CKMT2: variants seen among roughly 807,000 people sequenced by gnomAD.
CKMT2 encodes the protein creatine kinase S-type, mitochondrial.
In CKMT2, 43 loss-of-function variants were observed where a neutral mutation model predicts 48.9. The observed-to-expected ratio is 0.88, with a 90% CI of 0.69 to 1.13. The LOEUF (loss-of-function observed/expected upper bound fraction) is 1.13. Among genes scored for constraint, CKMT2 ranks in the 50% most tolerant of loss-of-function variants. The probability of loss-of-function intolerance (pLI) is 0.00; values close to 1 mark genes in which losing one functional copy is unlikely to be tolerated. For synonymous variants in CKMT2, 206 were observed against 213.0 expected, an observed-to-expected ratio of 0.97 and a Z score of 0.29; for missense variants, 472 against 555.4, an observed-to-expected ratio of 0.85 and a Z score of 1.51.
intron 1 of CKMT2, among the ~76,000 whole-genome samples, chr5:81,235,466 C>T (rs1424769660): frequency 7.9e-5 from 12 of 152,142 alleles, no homozygotes; most frequent in African/African-American, 2.9e-4. Context: ...TGGTCCTCCT[C>T]CTGCCCTTCC....
In CKMT2 at chr5:81,252,823, G is replaced by C; in HGVS notation, c.281G>C (p.Gly94Ala). The C allele has an allele frequency of 1.9e-6, 3 of 1,614,254 alleles. No individual in the cohort carries two copies. Among genetic ancestry groups the C allele is most frequent in the Non-Finnish European group, 2.5e-6 (3 of 1,180,052 alleles). Residue 94 changes from glycine (G) to alanine (A), a missense_variant, in exon 3 of 10, where the codon GGA (glycine) becomes GCA (alanine). By Grantham distance (60) the Gly-to-Ala change is moderately conservative (BLOSUM62 0). Transcript: ENST00000254035. ...ACGCTGGACCAGTGCATCCAGACTG[G>C]AGTGGACAACCCTGGCCACCCCTTC... ...GYTLDQCIQT[G>A]VDNPGHPFIK...
chr5:81,265,118 C>T (rs1472708851), intron 9 of CKMT2, among the ~76,000 whole-genome samples: 1 of 152,110 alleles, frequency 6.6e-6, no homozygotes, highest in Non-Finnish European at 1.5e-5. Context: ...AAAGGAATTC[C>T]TGGGTTAAAA....
intron 6 of CKMT2, 64 bp from the exon 7 acceptor site, chr5:81,257,669 G>C: frequency 1.3e-5 from 20 of 1,482,180 alleles, no homozygotes; most frequent in Non-Finnish European, 1.8e-5. Flanking sequence ...GGGAGGTAAT[G>C]GGAATTTTCA....
chr5:81,244,270 T>G, intron 1 of CKMT2: 2 of 771,238 alleles, frequency 2.6e-6, no homozygotes, highest in African/African-American at 1.9e-5. Flanking sequence ...GCCTGCCTCA[T>G]CATTAACATC....
chr5:81,261,039 C>T (rs1431102035), intron 8 of CKMT2, among the ~76,000 whole-genome samples: 1 of 152,230 alleles, frequency 6.6e-6, no homozygotes, highest in African/African-American at 2.4e-5. Flanking sequence ...AGCTTCATCT[C>T]TGAGATGCAA....
chr5:81,251,302 T>C lies in CKMT2; in HGVS notation c.152+18T>C, dbSNP rs545932325. ...CCTCCAAGGTAAGGGCTCCTGACTTTAAAATAACCTCAGGCCAGGCACGGT... is the reference window on the plus strand; with the variant it reads ...CCTCCAAGGTAAGGGCTCCTGACTTCAAAATAACCTCAGGCCAGGCACGGT... On this transcript the variant is annotated intron_variant, in intron 2 of 9. Transcript: ENST00000254035. 5.6e-6 allele frequency: 9 copies of C among 1,612,654 alleles called. No homozygotes were observed. The African/African-American group carries it at 1.2e-4, about 22-fold the overall frequency.
intron 8 of CKMT2, among the ~76,000 whole-genome samples, 186 bp from the exon 9 acceptor site, chr5:81,263,305 C>T (rs113928155): frequency 1.3e-5 from 2 of 150,382 alleles, no homozygotes; most frequent in African/African-American, 4.9e-5. Flanking sequence ...CACATGTATC[C>T]CAGAACGCTT....
intron 5 of CKMT2, among the ~76,000 whole-genome samples, chr5:81,256,171 T>C (rs1354496084): frequency 1.3e-5 from 2 of 151,366 alleles, no homozygotes; most frequent in Admixed American, 1.3e-4. Flanking sequence ...GTATACACAT[T>C]GCAAAAAAAA....
At chr5:81,262,587 C>A (rs138738628) in intron 8 of CKMT2, among the ~76,000 whole-genome samples, 2 of 152,134 alleles carry the variant, frequency 1.3e-5, no homozygotes, top group Admixed American at 6.5e-5. Context: ...AAAAGCTCAT[C>A]ATCACTGGTC....
chr5:81,253,237 A>C lies in CKMT2; in HGVS notation c.351+344A>C, dbSNP rs56170004. 2.4e-3 allele frequency among the ~76,000 whole-genome samples: 370 copies of C among 152,176 alleles called. 1 individual carries two copies. The highest frequency in any genetic ancestry group is 3.6e-3 in the Non-Finnish European group (245 of 68,002). On this transcript the variant is annotated intron_variant, in intron 3 of 9. Transcript: ENST00000254035. ...TTCACCAGTAAGACATTAGGAGCTG[A>C]TGTGTTTGTGGCTGAGCTTTATTGG...
At chr5:81,262,511 G>A (rs1314613812) in intron 8 of CKMT2, among the ~76,000 whole-genome samples, 2 of 152,090 alleles carry the variant, frequency 1.3e-5, no homozygotes, top group Non-Finnish European at 2.9e-5. Context: ...CCATCAAAAA[G>A]TGGGCAAAGG....
chr5:81,239,358 G>A (rs1313444594), intron 1 of CKMT2: 1 of 152,190 alleles, frequency 6.6e-6, no homozygotes, highest in African/African-American at 2.4e-5. Flanking sequence ...TTAGGAATCT[G>A]GACTAGGAAT....
intron 8 of CKMT2, among the ~76,000 whole-genome samples, chr5:81,260,605 G>C (rs912559332): frequency 2.0e-5 from 3 of 152,178 alleles, no homozygotes; most frequent in Non-Finnish European, 4.4e-5. Flanking sequence ...AAATATACTA[G>C]AAAATCTAGA....
chr5:81,244,153 C>T, intron 1 of CKMT2: 1 of 985,458 alleles, frequency 1.0e-6, no homozygotes. Context: ...AAGTCCTCCA[C>T]AGCATAGGCC....
intron 5 of CKMT2, among the ~76,000 whole-genome samples, chr5:81,255,780 A>G (rs1002424919): frequency 6.6e-6 from 1 of 152,116 alleles, no homozygotes; most frequent in Non-Finnish European, 1.5e-5. Context: ...TAGCACAGCT[A>G]AAACAAGATG....
chr5:81,236,199 C>G (rs965290898), intron 1 of CKMT2: 1 of 152,180 alleles, frequency 6.6e-6, no homozygotes, highest in Non-Finnish European at 1.5e-5. Context: ...AATCCTGTGC[C>G]TAGGAGCTGC....
At chr5:81,250,702 C>G (rs1756774956) in intron 1 of CKMT2, 1 of 152,476 alleles carries the variant, frequency 6.6e-6, no homozygotes, top group Non-Finnish European at 1.5e-5. Context: ...ATTTCTCCTA[C>G]CTTTCAGAAG....
chr5:81,262,978 T>C (rs1209852523), intron 8 of CKMT2, among the ~76,000 whole-genome samples: 2 of 152,164 alleles, frequency 1.3e-5, no homozygotes, highest in African/African-American at 2.4e-5. Flanking sequence ...ACATACACCA[T>C]GGAATACTAT....
At chr5:81,262,539 T>C (rs545587554) in intron 8 of CKMT2, among the ~76,000 whole-genome samples, 4 of 152,240 alleles carry the variant, frequency 2.6e-5, no homozygotes, top group African/African-American at 9.6e-5. Flanking sequence ...CAGACACTTC[T>C]CAAAAGAAGA....
Sources: gnomAD v4.1 joint callset for allele counts (sites outside exome capture counted in the v4.1 genomes callset) on GRCh38, gnomAD v4.1.1 for gene constraint, MANE v1.5 for transcripts, NCBI Gene and HGNC (gene_info 2026-07-23, HGNC 2026-07-21) for gene names.